SCUBE1: variants seen among roughly 807,000 people sequenced by gnomAD.
SCUBE1 encodes the protein signal peptide, CUB and EGF-like domain-containing protein 1.
SCUBE1 carries 59 observed loss-of-function variants against 124.4 expected under a neutral mutation model. The ratio of observed to expected loss-of-function variants is 0.47; its 90% CI spans 0.38 to 0.59. The LOEUF (loss-of-function observed/expected upper bound fraction) is 0.59. Among genes scored for constraint, SCUBE1 ranks in the 20% least tolerant of loss-of-function variants. The pLI, the probability that SCUBE1 is intolerant of heterozygous loss-of-function variation, is 0.00. For missense variants in SCUBE1, 1,150 were observed against 1,371.2 expected, an observed-to-expected ratio of 0.84 and a Z score of 2.55; for synonymous variants, 545 against 550.9, an observed-to-expected ratio of 0.99 and a Z score of 0.15.
chr22:43,245,235 C>T (rs552004988), intron 6 of SCUBE1, among the ~76,000 whole-genome samples: 1 of 152,376 alleles, frequency 6.6e-6, no homozygotes, highest in African/African-American at 2.4e-5. Flanking sequence ...CGAATGTGGC[C>T]TCCCTTGCGC....
intron 4 of SCUBE1, among the ~76,000 whole-genome samples, chr22:43,274,430 C>G (rs1244481338): frequency 2.0e-5 from 3 of 152,190 alleles, no homozygotes; most frequent in Non-Finnish European, 2.9e-5. Context: ...CACAGGGACC[C>G]TAAAGGAAGC....
rs138978 is a variant in SCUBE1 at position 43,200,119 on chromosome 22, T to G, written c.*3878A>C. The G allele has an allele frequency of 0.33, 50,789 of 152,200 alleles. 9,569 individuals are homozygous for G. Among genetic ancestry groups the G allele is most frequent in the African/African-American group, 0.5 (20,881 of 41,510 alleles). 9.4% of individuals were successfully genotyped at this position (152,200 alleles called of 1,614,324 possible). ...GTTTTCCATGCCTTTCTTCACAGAGTTCCTCTGGTTCCCTGGGGTGCCATG... is the reference window on the plus strand; with the variant it reads ...GTTTTCCATGCCTTTCTTCACAGAGGTCCTCTGGTTCCCTGGGGTGCCATG... On this transcript the variant is annotated 3_prime_UTR_variant, in exon 22 of 22. Coordinates refer to ENST00000360835, the MANE Select transcript of SCUBE1 (RefSeq NM_173050.5).
In SCUBE1 at chr22:43,343,217, G is replaced by T. The variant is rs1927391284; in HGVS notation, c.45C>A (p.Ala15=). 2.5e-6 allele frequency: 3 copies of T among 1,217,718 alleles called. No homozygotes were observed. The highest frequency in any genetic ancestry group is 3.6e-5 in the Admixed American group (1 of 27,870). The allele number at this position is 1,217,718 out of a possible 1,614,324, so 75.4% of individuals were successfully genotyped here. A position where few individuals can be genotyped will look rare whatever the true frequency, so the allele number is the denominator to read the frequency against. The change falls in exon 1 of 22, where the codon GCC becomes GCA. Residue 15 remains alanine (A), a synonymous_variant. Coordinates refer to ENST00000360835, the MANE Select transcript of SCUBE1 (RefSeq NM_173050.5). ...CGGCCAGCCGCCCGCGTGTGCCCAG[G>T]GCCAGCAGCACGCACAAGTGCCAGC... is the stretch of plus-strand genomic sequence containing the variant. ...AVRWHLCVLL[A]LGTRGRLAGG...
At chr22:43,282,120 G>A (rs891385357) in intron 4 of SCUBE1, 2 of 152,904 alleles carry the variant, frequency 1.3e-5, no homozygotes, top group African/African-American at 2.4e-5. Flanking sequence ...GGACGGGAGA[G>A]GCAGTGGCCC....
At chr22:43,246,114 C>T (rs996089331) in intron 6 of SCUBE1, among the ~76,000 whole-genome samples, 3 of 152,150 alleles carry the variant, frequency 2.0e-5, no homozygotes, top group South Asian at 4.1e-4. Context: ...TTTGAGGGGT[C>T]CCGAGTGCCC....
rs186899432 is a variant in SCUBE1, at chr22:43,281,689, G to A, written c.484+9357C>T. ...AGCCATCCTGCCCTCTCCCCTTGCT[G>A]TCCCCATATGGGTTCCAGACCCTGA... On this transcript the variant is annotated intron_variant, in intron 4 of 21. Coordinates refer to ENST00000360835, the MANE Select transcript of SCUBE1 (RefSeq NM_173050.5). Among the ~76,000 whole-genome samples, 3 of 152,110 alleles carry A rather than the reference G, an allele frequency of 2.0e-5. No homozygotes were observed. The East Asian group carries it at 5.8e-4, about 29-fold the overall frequency.
chr22:43,276,902 G>A (rs1002270344), intron 4 of SCUBE1, among the ~76,000 whole-genome samples: 1 of 152,180 alleles, frequency 6.6e-6, no homozygotes, highest in African/African-American at 2.4e-5. Flanking sequence ...TCTCACGCAC[G>A]TCAACTCCAT....
At chr22:43,260,808 C>T (rs1317442232) in intron 5 of SCUBE1, among the ~76,000 whole-genome samples, 1 of 152,218 alleles carries the variant, frequency 6.6e-6, no homozygotes, top group Admixed American at 6.5e-5. Context: ...CTGGCGGGGG[C>T]AGCTGGGGTG....
chr22:43,221,862 C>T (rs1922104704), intron 12 of SCUBE1, among the ~76,000 whole-genome samples: 1 of 152,060 alleles, frequency 6.6e-6, no homozygotes, highest in Non-Finnish European at 1.5e-5. Context: ...TCAGGAGTTC[C>T]AGACTAGCCT....
chr22:43,210,128 T>TG lies in SCUBE1; in HGVS notation c.2495dup (p.Arg834AlafsTer9), dbSNP rs748297551. ...GGACCACGATGAGGATCCTGCGCTT[T>TG]GGGGGAGGCGCGATGTGCCAGACGC... On this transcript the variant is annotated frameshift_variant, in exon 19 of 22. Coordinates refer to ENST00000360835, the MANE Select transcript of SCUBE1 (RefSeq NM_173050.5). LOFTEE classifies it high-confidence loss of function. This position sits in a 1 kb window ranked among gnomAD's most constrained non-coding sequence, Gnocchi z 4.5. 5 of 1,612,640 alleles carry TG rather than the reference T, an allele frequency of 3.1e-6. No individual in the cohort carries two copies. The highest frequency in any genetic ancestry group is 1.1e-5 in the South Asian group (1 of 91,026).
In SCUBE1 at chr22:43,234,179, G is replaced by A. The variant is rs956444158; in HGVS notation, c.845-2304C>T. ...CGAGCCCCGGGATTATAGGCAGATG[G>A]GGAATTTCTAGATAGAAGTCTCAGG... On this transcript the variant is annotated intron_variant, in intron 7 of 21. Coordinates refer to ENST00000360835, the MANE Select transcript of SCUBE1 (RefSeq NM_173050.5). The surrounding 1 kb of genome is among the most constrained non-coding windows in gnomAD (Gnocchi z 4.4). Among the ~76,000 whole-genome samples, 2 of 152,078 alleles carry A rather than the reference G, an allele frequency of 1.3e-5. No homozygotes were observed. Among genetic ancestry groups the A allele is most frequent in the Non-Finnish European group, 2.9e-5 (2 of 68,028 alleles).
chr22:43,243,126 G>T (rs534230012), intron 6 of SCUBE1, among the ~76,000 whole-genome samples: 8 of 152,376 alleles, frequency 5.3e-5, no homozygotes, highest in African/African-American at 1.9e-4. Flanking sequence ...GAAGCTGGCC[G>T]TGTTCAGGTC....
intron 4 of SCUBE1, among the ~76,000 whole-genome samples, chr22:43,286,175 TCTTTTCAATA>T (rs1925133714): frequency 6.6e-6 from 1 of 152,234 alleles, no homozygotes; most frequent in Non-Finnish European, 1.5e-5. Flanking sequence ...ATTGAAACTG[TCTTTTCAATA>T]CCTTTTTAAC....
chr22:43,287,780 A>C (rs1925202888), intron 4 of SCUBE1, among the ~76,000 whole-genome samples: 1 of 152,256 alleles, frequency 6.6e-6, no homozygotes, highest in Admixed American at 6.5e-5. Context: ...ACTTGTCTGC[A>C]AAACAAGCTG....
intron 4 of SCUBE1, among the ~76,000 whole-genome samples, chr22:43,269,153 C>T (rs1924192918): frequency 6.6e-6 from 1 of 152,158 alleles, no homozygotes; most frequent in Non-Finnish European, 1.5e-5. Flanking sequence ...GGAAGACGTG[C>T]CCCGGGCTGT....
At chr22:43,217,545 A>ATG (rs1921888575) in intron 15 of SCUBE1, among the ~76,000 whole-genome samples, 1 of 151,798 alleles carries the variant, frequency 6.6e-6, no homozygotes, top group Non-Finnish European at 1.5e-5. Context: ...AAGAGCGCGC[A>ATG]TGAGCCTGCG....
At position 43,255,651 on chromosome 22, in the gene SCUBE1, A is replaced by T; in HGVS notation, c.727+2568T>A. On this transcript the variant is annotated intron_variant, in intron 6 of 21. Coordinates refer to ENST00000360835, the MANE Select transcript of SCUBE1 (RefSeq NM_173050.5). This position sits in a 1 kb window ranked among gnomAD's most constrained non-coding sequence, Gnocchi z 4.7. The stretch of plus-strand genomic sequence containing the variant: ...CCACTTCCCGCGGCCCAAGACAGTC[A>T]GCCTCTCGGCGTGGCGCACGCAAAG... 7.6e-7 allele frequency: 1 copy of T among 1,317,180 alleles called. No homozygotes were observed. Among genetic ancestry groups the T allele is most frequent in the East Asian group, 2.5e-5 (1 of 39,772 alleles). The allele number at this position is 1,317,180 out of a possible 1,614,324, so 81.6% of individuals were successfully genotyped here.
rs766350250 is a variant in SCUBE1 at position 43,220,605 on chromosome 22, C to T, written c.1550-18G>A. ...GCAGTGGTCTGGACGAGGAAAGGACCACTGTGGCAAAGGCGGCATGGGGCA... is the reference window on the plus strand; with the variant it reads ...GCAGTGGTCTGGACGAGGAAAGGACTACTGTGGCAAAGGCGGCATGGGGCA... On this transcript the variant is annotated intron_variant, in intron 13 of 21. Transcript: ENST00000360835. The T allele has an allele frequency of 6.2e-7, 1 of 1,611,138 alleles. No homozygotes were observed. The highest frequency in any genetic ancestry group is 8.5e-7 in the Non-Finnish European group (1 of 1,178,262).
At position 43,291,055 on chromosome 22, in the gene SCUBE1, G is replaced by A. The variant is rs753626699; in HGVS notation, c.475C>T (p.Arg159Cys). The A allele has an allele frequency of 1.9e-6, 3 of 1,608,652 alleles. No homozygotes were observed. The highest frequency in any genetic ancestry group is 2.7e-5 in the African/African-American group (2 of 74,848). ...LSDNQHTCIHRSNEGMNCMNK... is the reference protein window; with the variant it reads ...LSDNQHTCIHCSNEGMNCMNK... ...CATAGGCTGTACTCACCATTGGAGCGGTGGATGCAGGTATGCTGGTTGTCA... is the reference window on the plus strand; with the variant it reads ...CATAGGCTGTACTCACCATTGGAGCAGTGGATGCAGGTATGCTGGTTGTCA... The change falls in exon 4 of 22, where the codon CGC becomes TGC. Residue 159 changes from arginine (R) to cysteine (C), a missense_variant. Coordinates refer to ENST00000360835, the MANE Select transcript of SCUBE1 (RefSeq NM_173050.5).
Sources: allele counts gnomAD v4.1 joint callset (sites outside exome capture counted in the v4.1 genomes callset), GRCh38; gene constraint gnomAD v4.1.1; non-coding constraint Gnocchi (gnomAD v3.1); transcripts MANE v1.5; gene names NCBI Gene and HGNC (gene_info 2026-07-23, HGNC 2026-07-21).